The following CNTNAP2 variants were observed in gnomAD, a reference collection of about 807,000 sequenced individuals.
CNTNAP2 encodes contactin associated protein 2.
A neutral mutation model predicts 155.2 loss-of-function variants in CNTNAP2; 98 were observed. That is an observed-to-expected ratio of 0.63 (90% CI 0.54 to 0.75). The LOEUF (loss-of-function observed/expected upper bound fraction) is 0.75, where lower values mean the gene tolerates loss of function less well. Among genes scored for constraint, CNTNAP2 ranks in the 30% least tolerant of loss-of-function variants. The pLI is 0.00. For missense variants in CNTNAP2, 1,727 were observed against 1,688.1 expected (o/e 1.02, Z -0.40); for synonymous variants, 651 against 631.2 (o/e 1.03, Z -0.47).
chr7:147,044,000 T>C lies in CNTNAP2; in HGVS notation c.496T>C (p.Trp166Arg), dbSNP rs796052389. The C allele has an allele frequency of 3.7e-6, 6 of 1,614,216 alleles. No homozygotes were observed. The highest frequency in any genetic ancestry group is 5.1e-6 in the Non-Finnish European group (6 of 1,180,030). ...ARYVRIVPLD[W>R]NGEGRIGLRI... ...CTATGTGCGCATAGTGCCTCTGGAT[T>C]GGAATGGAGAAGGTCGCATTGGACT... is the stretch of plus-strand genomic sequence containing the variant. Residue 166 changes from tryptophan (W) to arginine (R), a missense_variant, in exon 4 of 24, where the codon TGG becomes CGG. Physicochemically the swap from Trp to Arg is moderately radical, Grantham distance 101 (BLOSUM62 -3). Coordinates refer to ENST00000361727, the MANE Select transcript of CNTNAP2 (RefSeq NM_014141.6).
intron 17 of CNTNAP2, among the ~76,000 whole-genome samples, chr7:148,156,250 T>C (rs891141930): frequency 6.6e-6 from 1 of 152,196 alleles, no homozygotes. Context: ...TTTTGTTTTG[T>C]TTTGTTTTGA....
intron 2 of CNTNAP2, among the ~76,000 whole-genome samples, chr7:146,818,642 T>C (rs1803220006): frequency 6.6e-6 from 1 of 152,296 alleles, no homozygotes; most frequent in Admixed American, 6.5e-5. Flanking sequence ...TCTGGAAGAT[T>C]TTGTTTTTAG....
chr7:146,850,305 C>G (rs1242712497), intron 3 of CNTNAP2, among the ~76,000 whole-genome samples: 1 of 152,078 alleles, frequency 6.6e-6, no homozygotes, highest in Admixed American at 6.5e-5. Context: ...TGAACTTCAC[C>G]AATATATTTT....
chr7:146,237,276 T>C (rs1036596629), intron 1 of CNTNAP2, among the ~76,000 whole-genome samples: 2 of 152,200 alleles, frequency 1.3e-5, no homozygotes, highest in Admixed American at 1.3e-4. Context: ...TAGCCACCAC[T>C]TTAAATGAAT....
At chr7:147,462,251 T>C (rs1528530) in intron 10 of CNTNAP2, among the ~76,000 whole-genome samples, 118,889 of 152,140 alleles carry the variant, frequency 0.78, 46,829 homozygotes, top group African/African-American at 0.88. Context: ...CCCATGCGTC[T>C]ACGAAAACAC....
chr7:146,322,913 A>G (rs1403208879), intron 1 of CNTNAP2, among the ~76,000 whole-genome samples: 1 of 151,890 alleles, frequency 6.6e-6, no homozygotes, highest in East Asian at 1.9e-4. Flanking sequence ...GGAGCTGATG[A>G]GCATTAGAAA....
chr7:147,948,759 G>T (rs1800866845), intron 14 of CNTNAP2, among the ~76,000 whole-genome samples: 1 of 151,082 alleles, frequency 6.6e-6, no homozygotes, highest in Non-Finnish European at 1.5e-5. Context: ...ATATAACATT[G>T]GACTCCCCAA....
intron 3 of CNTNAP2, among the ~76,000 whole-genome samples, chr7:147,001,348 TC>T (rs770794308): frequency 2.0e-5 from 3 of 152,166 alleles, no homozygotes; most frequent in Non-Finnish European, 4.4e-5. Flanking sequence ...ATTCTTAATG[TC>T]CTTTTTCTAT....
chr7:146,175,713 C>T (rs1798460379), intron 1 of CNTNAP2, among the ~76,000 whole-genome samples: 1 of 152,152 alleles, frequency 6.6e-6, no homozygotes, highest in Admixed American at 6.6e-5. Flanking sequence ...TATTCTTAGT[C>T]TTTATGTGCT....
intron 22 of CNTNAP2, among the ~76,000 whole-genome samples, chr7:148,407,567 G>C (rs902310405): frequency 5.3e-5 from 8 of 152,080 alleles, no homozygotes; most frequent in Non-Finnish European, 1.0e-4. Context: ...TGCCAGGTGT[G>C]ATAGTGCATG....
chr7:146,194,828 A>G (rs1368732200), intron 1 of CNTNAP2, among the ~76,000 whole-genome samples: 1 of 152,192 alleles, frequency 6.6e-6, no homozygotes, highest in Non-Finnish European at 1.5e-5. Flanking sequence ...AATGTTTTCT[A>G]TATATAAGAA....
chr7:148,256,553 A>G (rs1361412188), intron 20 of CNTNAP2, among the ~76,000 whole-genome samples: 1 of 152,078 alleles, frequency 6.6e-6, no homozygotes, highest in Non-Finnish European at 1.5e-5. Context: ...GGGTCCCTGA[A>G]TGACCTTCCA....
intron 3 of CNTNAP2, among the ~76,000 whole-genome samples, chr7:146,894,550 C>T (rs1339257700): frequency 6.6e-6 from 1 of 152,010 alleles, no homozygotes; most frequent in Non-Finnish European, 1.5e-5. Flanking sequence ...AATGCTGCTG[C>T]CCCTGTGGTT....
chr7:147,116,606 T>A (rs988008743), intron 5 of CNTNAP2, among the ~76,000 whole-genome samples: 2 of 152,152 alleles, frequency 1.3e-5, no homozygotes, highest in African/African-American at 2.4e-5. Flanking sequence ...ACAGCTATGT[T>A]GTGGTGAGGA....
At chr7:146,560,458 A>G (rs1798263500) in intron 1 of CNTNAP2, among the ~76,000 whole-genome samples, 1 of 151,788 alleles carries the variant, frequency 6.6e-6, no homozygotes. Context: ...GTGTATATAT[A>G]TGTGTGTATG....
At chr7:146,224,342 T>C (rs1260824823) in intron 1 of CNTNAP2, among the ~76,000 whole-genome samples, 1 of 151,930 alleles carries the variant, frequency 6.6e-6, no homozygotes, top group African/African-American at 2.4e-5. Flanking sequence ...GGTTTTATTG[T>C]AATACAATAG....
chr7:146,559,895 C>A (rs1798254851), intron 1 of CNTNAP2, among the ~76,000 whole-genome samples: 1 of 152,040 alleles, frequency 6.6e-6, no homozygotes, highest in Non-Finnish European at 1.5e-5. Flanking sequence ...AAATTAAATG[C>A]CCGTCTCCTT....
intron 15 of CNTNAP2, among the ~76,000 whole-genome samples, chr7:147,991,486 G>T (rs549060093): frequency 1.1e-4 from 16 of 151,756 alleles, no homozygotes; most frequent in African/African-American, 3.9e-4. Context: ...ACCTCAACAG[G>T]GTTTTGCACA....
In CNTNAP2 at chr7:147,219,196, T is replaced by C. The variant is rs1375278351; in HGVS notation, c.1349-80945T>C. 2.0e-5 allele frequency among the ~76,000 whole-genome samples: 3 copies of C among 152,264 alleles called. No individual in the cohort carries two copies. The East Asian group carries it at 5.8e-4, about 29-fold the overall frequency. ...ACTCCCTGTATTAGTCAGGGTTCTT[T>C]AAAGGGACAGAACTAATAGGCTATA... On this transcript the variant is annotated intron_variant, in intron 8 of 23. Transcript: ENST00000361727.
Sources: gnomAD v4.1 joint callset for allele counts (sites outside exome capture counted in the v4.1 genomes callset) on GRCh38, gnomAD v4.1.1 for gene constraint, MANE v1.5 for transcripts, NCBI Gene and HGNC (gene_info 2026-07-23, HGNC 2026-07-21) for gene names.